Variants in FKBP5 observed in about 807,000 individuals in gnomAD.
FKBP5 encodes FKBP prolyl isomerase 5, also known as peptidyl-prolyl cis-trans isomerase FKBP5.
Under a neutral mutation model 50.5 loss-of-function variants are expected in FKBP5, and 23 were observed. That is an observed-to-expected ratio of 0.46 (90% CI 0.33 to 0.65). The LOEUF (loss-of-function observed/expected upper bound fraction) is 0.65. Among genes scored for constraint, FKBP5 ranks in the 30% least tolerant of loss-of-function variants. The probability of loss-of-function intolerance (pLI) is 0.02; values close to 1 mark genes in which losing one functional copy is unlikely to be tolerated. For synonymous variants in FKBP5, 176 were observed against 190.6 expected, an observed-to-expected ratio of 0.92 and a Z score of 0.63; for missense variants, 411 against 553.1, an observed-to-expected ratio of 0.74 and a Z score of 2.58.
chr6:35,647,142 A>G (rs1417169584), intron 1 of FKBP5, among the ~76,000 whole-genome samples: 1 of 152,220 alleles, frequency 6.6e-6, no homozygotes, highest in African/African-American at 2.4e-5. Context: ...CAAAGCTAAG[A>G]GACCACACTT....
chr6:35,609,292 CA>C (rs1476979776), intron 5 of FKBP5, among the ~76,000 whole-genome samples: 2 of 152,094 alleles, frequency 1.3e-5, no homozygotes, highest in African/African-American at 2.4e-5. Flanking sequence ...CTGCAAATTC[CA>C]AAAAGTTAAT....
intron 3 of FKBP5, among the ~76,000 whole-genome samples, 159 bp downstream of exon 3, chr6:35,636,854 TA>T (rs1361866345): frequency 6.6e-6 from 1 of 152,136 alleles, no homozygotes; most frequent in African/African-American, 2.4e-5. Flanking sequence ...TGGGACCCCC[TA>T]AAAAGATCTC....
At chr6:35,727,780 A>G (rs1766748439) in intron 1 of FKBP5, among the ~76,000 whole-genome samples, 1 of 152,124 alleles carries the variant, frequency 6.6e-6, no homozygotes, top group Admixed American at 6.5e-5. Context: ...AGCGCTGGAG[A>G]GCGCTGGCGG....
intron 3 of FKBP5, among the ~76,000 whole-genome samples, chr6:35,634,922 G>A (rs1408314579): frequency 6.6e-6 from 1 of 151,642 alleles, no homozygotes; most frequent in Non-Finnish European, 1.5e-5. Context: ...AGGTGTGGTG[G>A]CTCATGCCTA....
intron 1 of FKBP5, among the ~76,000 whole-genome samples, chr6:35,647,163 T>C (rs1764652693): frequency 6.6e-6 from 1 of 152,186 alleles, no homozygotes; most frequent in South Asian, 2.1e-4. Context: ...CCCCTGACTC[T>C]GAGTGCTGAG....
intron 3 of FKBP5, 40 bp downstream of exon 3, chr6:35,636,974 A>T: frequency 1.3e-6 from 2 of 1,544,258 alleles, no homozygotes; most frequent in South Asian, 2.5e-5. Flanking sequence ...AAATAGTAAT[A>T]AAGCTAAGTA....
chr6:35,613,706 G>A (rs1763562301), intron 5 of FKBP5, among the ~76,000 whole-genome samples: 1 of 152,112 alleles, frequency 6.6e-6, no homozygotes, highest in African/African-American at 2.4e-5. Context: ...GGAAAAACCA[G>A]GACATTTTAA....
chr6:35,665,022 C>T (rs1765175370), intron 1 of FKBP5, among the ~76,000 whole-genome samples: 1 of 152,118 alleles, frequency 6.6e-6, no homozygotes, highest in Non-Finnish European at 1.5e-5. Flanking sequence ...ATCTTACTTT[C>T]GACTCCATAG....
At chr6:35,662,276 CTT>C (rs35904480) in intron 1 of FKBP5, among the ~76,000 whole-genome samples, 88,255 of 138,644 alleles carry the variant, frequency 0.64, 27,627 homozygotes, top group East Asian at 0.66. Flanking sequence ...ATTTACGTGT[CTT>C]TTTTTTTTTT....
intron 1 of FKBP5, among the ~76,000 whole-genome samples, chr6:35,721,122 C>T (rs889263362): frequency 6.6e-5 from 10 of 152,072 alleles, no homozygotes; most frequent in African/African-American, 2.2e-4. Context: ...GAGGCTGAGG[C>T]GGGTGGATCA....
At chr6:35,672,761 T>TAA (rs11399067) in intron 1 of FKBP5, among the ~76,000 whole-genome samples, 342 of 145,740 alleles carry the variant, frequency 2.3e-3, no homozygotes, top group East Asian at 4.4e-3. Context: ...TTGTCTCTAC[T>TAA]AAAAAAAAAA....
chr6:35,603,276 T>C (rs1763202826), intron 5 of FKBP5, among the ~76,000 whole-genome samples: 2 of 152,186 alleles, frequency 1.3e-5, no homozygotes, highest in South Asian at 4.1e-4. Flanking sequence ...TAGTGGTAAA[T>C]TATACCAGAT....
chr6:35,724,061 T>A (rs943114838), intron 1 of FKBP5, among the ~76,000 whole-genome samples: 1 of 152,198 alleles, frequency 6.6e-6, no homozygotes, highest in African/African-American at 2.4e-5. Context: ...GGCAGGTACA[T>A]TAAATGTACA....
intron 1 of FKBP5, among the ~76,000 whole-genome samples, chr6:35,686,527 A>T (rs1284123190): frequency 6.6e-6 from 1 of 152,190 alleles, no homozygotes; most frequent in Non-Finnish European, 1.5e-5. Context: ...ATGATAAAAA[A>T]TAATGGAAGC....
intron 2 of FKBP5, among the ~76,000 whole-genome samples, chr6:35,718,038 G>C (rs1245184702): frequency 1.3e-5 from 2 of 152,346 alleles, no homozygotes; most frequent in East Asian, 3.9e-4. Flanking sequence ...TAGGATGGGA[G>C]GGTTGCAAAA....
intron 9 of FKBP5, 38 bp downstream of exon 9, chr6:35,579,998 A>G: frequency 2.1e-6 from 3 of 1,455,992 alleles, no homozygotes; most frequent in Non-Finnish European, 2.8e-6. Flanking sequence ...AAAGATCTGG[A>G]GTATCTAAAG....
At chr6:35,601,214 G>A (rs1038485578) in intron 5 of FKBP5, among the ~76,000 whole-genome samples, 8 of 151,944 alleles carry the variant, frequency 5.3e-5, no homozygotes, top group Non-Finnish European at 7.4e-5. Context: ...AATCTTAAAC[G>A]GATATACATC....
intron 1 of FKBP5, among the ~76,000 whole-genome samples, chr6:35,683,120 ATGTGTGTG>A (rs35830022): frequency 0.077 from 6,193 of 80,394 alleles, 225 homozygotes; most frequent in Admixed American, 0.12. Flanking sequence ...ATATACGTAT[ATGTGTGTG>A]TGTGTGTGTG....
At chr6:35,597,788 T>A (rs926515022) in intron 5 of FKBP5, among the ~76,000 whole-genome samples, 1 of 152,184 alleles carries the variant, frequency 6.6e-6, no homozygotes, top group Admixed American at 6.5e-5. Context: ...TATAAACATC[T>A]GTAACTGCAT....
Sources: gnomAD v4.1 joint callset for allele counts (sites outside exome capture counted in the v4.1 genomes callset) on GRCh38, gnomAD v4.1.1 for gene constraint, MANE v1.5 for transcripts, NCBI Gene and HGNC (gene_info 2026-07-23, HGNC 2026-07-21) for gene names.